MTAP: variants seen among roughly 807,000 people sequenced by gnomAD.
MTAP encodes the protein S-methyl-5'-thioadenosine phosphorylase.
Under a neutral mutation model 33.6 loss-of-function variants are expected in MTAP, and 33 were observed. That is an observed-to-expected ratio of 0.98 (90% CI 0.74 to 1.31). The LOEUF (loss-of-function observed/expected upper bound fraction) is 1.31, where lower values mean the gene tolerates loss of function less well. Among genes scored for constraint, MTAP ranks in the 40% most tolerant of loss-of-function variants. The pLI is 0.00. For missense variants in MTAP, 367 were observed against 360.0 expected (o/e 1.02, Z -0.16); for synonymous variants, 148 against 125.7 (o/e 1.18, Z -1.19).
intron 5 of MTAP, among the ~76,000 whole-genome samples, chr9:21,840,116 C>T (rs1825207405): frequency 6.6e-6 from 1 of 151,934 alleles, no homozygotes; most frequent in Admixed American, 6.6e-5. Context: ...GTCCCAGCTA[C>T]TTGGGAGGCT....
At chr9:21,834,203 G>A (rs114350790) in intron 4 of MTAP, among the ~76,000 whole-genome samples, 41 of 152,250 alleles carry the variant, frequency 2.7e-4, no homozygotes, top group South Asian at 1.9e-3. Context: ...CAGTTTTCAC[G>A]GGGACTTTAT....
chr9:21,877,421 TTCTTG>T (rs1826029008), intron 1 of MTAP, among the ~76,000 whole-genome samples: 1 of 152,104 alleles, frequency 6.6e-6, no homozygotes, highest in Non-Finnish European at 1.5e-5. Context: ...AGAGAGGGCA[TTCTTG>T]TCTTGTGCTG....
intron 5 of MTAP, among the ~76,000 whole-genome samples, chr9:21,845,938 T>C (rs978175172): frequency 2.6e-5 from 4 of 152,138 alleles, no homozygotes; most frequent in African/African-American, 9.7e-5. Flanking sequence ...TGGAACAGAA[T>C]AGAGTATCCA....
chr9:21,862,601 C>G lies in MTAP; in HGVS notation c.*587C>G. ...AATAAATAATTGAAACAATCTGAAT[C>G]CCTTGCAATTGGAGGTAAATTATGT... On this transcript the variant is annotated 3_prime_UTR_variant, in exon 8 of 8. Coordinates refer to ENST00000644715, the MANE Select transcript of MTAP (RefSeq NM_002451.4). The G allele has an allele frequency of 6.6e-6, 1 of 152,066 alleles. No individual in the cohort carries two copies. Among genetic ancestry groups the G allele is most frequent in the Admixed American group, 6.6e-5 (1 of 15,252 alleles). The allele number at this position is 152,066 out of a possible 1,614,324, so 9.4% of individuals were successfully genotyped here.
intron 5 of MTAP, among the ~76,000 whole-genome samples, chr9:21,839,670 A>G (rs1030580703): frequency 7.9e-5 from 12 of 152,328 alleles, no homozygotes; most frequent in East Asian, 1.9e-4. Flanking sequence ...TTATCCAAAA[A>G]CATGAAGAGT....
intron 1 of MTAP, 77 bp downstream of exon 1, chr9:21,802,858 C>G (rs1297467087): frequency 6.3e-7 from 1 of 1,582,548 alleles, no homozygotes; most frequent in Middle Eastern, 1.9e-4. Flanking sequence ...GACCGCGCCT[C>G]CGGGGGCCAT....
At chr9:21,836,475 A>C (rs1267212173) in intron 4 of MTAP, among the ~76,000 whole-genome samples, 1 of 152,156 alleles carries the variant, frequency 6.6e-6, no homozygotes, top group Non-Finnish European at 1.5e-5. Flanking sequence ...AGTCAGTTGG[A>C]GTATAGCCAC....
chr9:21,824,593 C>G (rs902744885), intron 4 of MTAP, among the ~76,000 whole-genome samples: 3 of 152,202 alleles, frequency 2.0e-5, no homozygotes, highest in African/African-American at 4.8e-5. Context: ...AGATCTCAAA[C>G]TCTGTGCTGG....
chr9:21,916,080 A>AAAG (rs1554649338), intron 1 of MTAP, among the ~76,000 whole-genome samples: 1 of 116,982 alleles, frequency 8.5e-6, no homozygotes, highest in African/African-American at 3.5e-5. Context: ...GGGAGGAAGG[A>AAAG]AAGGAAGGAA....
intron 1 of MTAP, among the ~76,000 whole-genome samples, chr9:21,911,099 C>T (rs1280479493): frequency 1.3e-5 from 2 of 152,128 alleles, no homozygotes; most frequent in African/African-American, 2.4e-5. Flanking sequence ...AATATATATG[C>T]ACCCAATACA....
intron 4 of MTAP, among the ~76,000 whole-genome samples, chr9:21,835,499 TG>T (rs957096628): frequency 7.9e-5 from 12 of 152,228 alleles, no homozygotes; most frequent in African/African-American, 2.6e-4. Context: ...TATTGAAATA[TG>T]ATTTCAATAT....
In MTAP at chr9:21,802,640, GCACTGC is replaced by G. The variant is rs886063780; in HGVS notation, c.-108_-103del. ...GAGTCAAGGCCCGCCCCTGGTCTCC[GCACTGC>G]TCACTCCCGCGCAGTGAGGTTGGCA... On this transcript the variant is annotated 5_prime_UTR_variant, in exon 1 of 8. Transcript: ENST00000644715. 12 of 1,267,320 alleles carry G rather than the reference GCACTGC, an allele frequency of 9.5e-6. No individual in the cohort carries two copies. The highest frequency in any genetic ancestry group is 2.5e-5 in the East Asian group (1 of 39,636). The allele number at this position is 1,267,320 out of a possible 1,614,324, so 78.5% of individuals were successfully genotyped here.
chr9:21,937,957 T>C (rs1819067155), downstream of MTAP, among the ~76,000 whole-genome samples: 1 of 151,994 alleles, frequency 6.6e-6, no homozygotes, highest in African/African-American at 2.4e-5. Flanking sequence ...GTGAGTAACA[T>C]AGGGAGACCC....
At chr9:21,854,941 G>A in intron 6 of MTAP, 71 bp downstream of exon 6, 1 of 1,546,856 alleles carries the variant, frequency 6.5e-7, no homozygotes, top group Non-Finnish European at 8.7e-7. Flanking sequence ...TTAACTGTTT[G>A]TTTCTATTAC....
intron 4 of MTAP, among the ~76,000 whole-genome samples, chr9:21,836,556 G>A (rs1037886645): frequency 6.6e-6 from 1 of 152,122 alleles, no homozygotes; most frequent in Admixed American, 6.5e-5. Context: ...CTCATCAAAG[G>A]CTGAAACAAA....
chr9:21,808,656 A>T (rs1824269822), intron 1 of MTAP, among the ~76,000 whole-genome samples: 1 of 152,010 alleles, frequency 6.6e-6, no homozygotes, highest in Admixed American at 6.6e-5. Flanking sequence ...GGAGTCCACA[A>T]ATCCAAAATG....
Position 21,837,904 on chromosome 9 carries a change from G to A in MTAP, c.348-4G>A, listed in dbSNP as rs367549701. On this transcript the variant is annotated splice_polypyrimidine_tract_variant and splice_region_variant and intron_variant, in intron 4 of 7. Coordinates refer to ENST00000644715, the MANE Select transcript of MTAP (RefSeq NM_002451.4). ...ACAAAAACCTTTTTTGCTTTATTTTGTAGGACCACTATGAGACCTCAGTCC... is the reference window on the plus strand; with the variant it reads ...ACAAAAACCTTTTTTGCTTTATTTTATAGGACCACTATGAGACCTCAGTCC... 16 of 1,610,454 alleles carry A rather than the reference G, an allele frequency of 9.9e-6. No homozygotes were observed. In the African/African-American group the frequency reaches 2.1e-4, roughly 22 times the overall value.
chr9:21,811,709 A>G, intron 1 of MTAP: 2 of 532,034 alleles, frequency 3.8e-6, no homozygotes, highest in Non-Finnish European at 7.7e-6. Context: ...CAGGTCGTTC[A>G]TGTTGCTTTC....
At chr9:21,910,979 T>A (rs1014385517) in intron 1 of MTAP, among the ~76,000 whole-genome samples, 1 of 152,158 alleles carries the variant, frequency 6.6e-6, no homozygotes, top group Non-Finnish European at 1.5e-5. Flanking sequence ...GGGGTTGCAA[T>A]CCTAGTCTCT....
Sources: gnomAD v4.1 joint callset for allele counts (sites outside exome capture counted in the v4.1 genomes callset) on GRCh38, gnomAD v4.1.1 for gene constraint, MANE v1.5 for transcripts, NCBI Gene and HGNC (gene_info 2026-07-23, HGNC 2026-07-21) for gene names.